Variants in NAA15 observed in about 807,000 individuals in gnomAD.
NAA15 encodes N-terminal acetyltransferase.
NAA15 carries 34 observed loss-of-function variants against 114.0 expected under a neutral mutation model. The observed-to-expected ratio is 0.30, with a 90% CI of 0.23 to 0.40. NAA15 has a LOEUF of 0.40. Among genes scored for constraint, NAA15 ranks in the 10% least tolerant of loss-of-function variants. The probability of loss-of-function intolerance (pLI) is 1.00; values close to 1 mark genes in which losing one functional copy is unlikely to be tolerated. For synonymous variants in NAA15, 340 were observed against 338.0 expected, an observed-to-expected ratio of 1.01 and a Z score of -0.06; for missense variants, 658 against 1,004.5, an observed-to-expected ratio of 0.66 and a Z score of 4.66.
intron 13 of NAA15, 68 bp from the exon 14 acceptor site, chr4:139,361,656 C>CT: frequency 1.0e-6 from 1 of 968,556 alleles, no homozygotes; most frequent in Non-Finnish European, 1.5e-6. Context: ...TATTCCAATG[C>CT]TTTGATTTTA....
intron 18 of NAA15, 120 bp downstream of exon 18, chr4:139,385,098 G>C (rs1748858778): frequency 1.2e-6 from 1 of 850,130 alleles, no homozygotes. Context: ...GTTACATTGT[G>C]ATCGTATGAA....
chr4:139,375,640 G>A (rs1163693487), intron 15 of NAA15, among the ~76,000 whole-genome samples: 1 of 152,064 alleles, frequency 6.6e-6, no homozygotes, highest in African/African-American at 2.4e-5. Flanking sequence ...CAGATGTTTA[G>A]TGCCCTTCTG....
chr4:139,386,666 T>TAA (rs537996232), intron 19 of NAA15: 2 of 147,942 alleles, frequency 1.4e-5, no homozygotes, highest in East Asian at 2.0e-4. Flanking sequence ...CCCCATCTCT[T>TAA]AAAAAAAAAA....
rs74986903 is a variant in NAA15 at position 139,383,092 on chromosome 4, T to C, written c.2156-1740T>C. On this transcript the variant is annotated intron_variant, in intron 17 of 19. Transcript: ENST00000296543. ...ATTTGTCGCAGTACAAATACCTGAT[T>C]AAAGTGAAAATTTGAAAGTCATCAC... Among the ~76,000 whole-genome samples the C allele has an allele frequency of 8.5e-3, 1,301 of 152,292 alleles. 20 individuals carry two copies. Among genetic ancestry groups the C allele is most frequent in the African/African-American group, 0.03 (1,245 of 41,552 alleles).
At chr4:139,355,086 C>T (rs1013850079) in intron 10 of NAA15, among the ~76,000 whole-genome samples, 1 of 151,926 alleles carries the variant, frequency 6.6e-6, no homozygotes, top group Non-Finnish European at 1.5e-5. Context: ...ATTGGCCAGG[C>T]CAGGCTGGTC....
At chr4:139,375,060 A>C (rs143971148) in intron 15 of NAA15, among the ~76,000 whole-genome samples, 20 of 152,304 alleles carry the variant, frequency 1.3e-4, no homozygotes, top group South Asian at 2.1e-4. Flanking sequence ...TAGAGGCATG[A>C]AAGGCATGAT....
chr4:139,361,029 T>C (rs373406771), intron 13 of NAA15, among the ~76,000 whole-genome samples: 5 of 152,166 alleles, frequency 3.3e-5, no homozygotes, highest in South Asian at 4.1e-4. Flanking sequence ...TCACAATATT[T>C]CTTCTGTAGC....
intron 16 of NAA15, among the ~76,000 whole-genome samples, chr4:139,378,119 C>T (rs796921556): frequency 3.3e-5 from 5 of 152,170 alleles, no homozygotes; most frequent in African/African-American, 9.6e-5. Flanking sequence ...AAAATGGTAC[C>T]AAATTAGGAA....
At chr4:139,351,125 G>A (rs1216523686) in intron 7 of NAA15, 66 bp from the exon 8 acceptor site, 12 of 796,906 alleles carry the variant, frequency 1.5e-5, no homozygotes, top group South Asian at 1.0e-4. Flanking sequence ...TGAGAAGTTC[G>A]TAATTTTCCA....
intron 1 of NAA15, chr4:139,302,452 C>T (rs1427097329): frequency 6.6e-6 from 1 of 152,380 alleles, no homozygotes; most frequent in East Asian, 1.9e-4. Context: ...GTCTTCAGCT[C>T]CTCTGCCTCC....
chr4:139,349,650 A>G (rs1747716130), intron 7 of NAA15, 69 bp downstream of exon 7: 1 of 1,429,778 alleles, frequency 7.0e-7, no homozygotes, highest in East Asian at 2.6e-5. Flanking sequence ...TTACTCATTG[A>G]AAAGCACAAC....
At chr4:139,354,621 A>G (rs1205357923) in intron 10 of NAA15, among the ~76,000 whole-genome samples, 1 of 152,224 alleles carries the variant, frequency 6.6e-6, no homozygotes, top group Non-Finnish European at 1.5e-5. Flanking sequence ...ATTGAAAAGA[A>G]TGTTATGTAA....
chr4:139,329,344 A>G (rs1295492478), intron 1 of NAA15, among the ~76,000 whole-genome samples: 6 of 151,992 alleles, frequency 3.9e-5, no homozygotes, highest in African/African-American at 1.5e-4. Context: ...TCTCCTGGTT[A>G]TGGATCATGT....
At position 139,344,819 on chromosome 4, in the gene NAA15, GAC is replaced by G. The variant is rs565121889; in HGVS notation, c.691+484_691+485del. ...TATGGTTAATCTGAATGTCTTCGAT[GAC>G]ACAGAAAGAATATGAGTTCTGGAAG... On this transcript the variant is annotated intron_variant, in intron 6 of 19. Transcript: ENST00000296543. 1.6e-3 allele frequency among the ~76,000 whole-genome samples: 245 copies of G among 152,258 alleles called. 1 individual carries two copies. The highest frequency in any genetic ancestry group is 3.0e-3 in the Non-Finnish European group (204 of 68,026).
At chr4:139,320,806 C>T (rs747338430) in intron 1 of NAA15, among the ~76,000 whole-genome samples, 1 of 152,152 alleles carries the variant, frequency 6.6e-6, no homozygotes, top group Non-Finnish European at 1.5e-5. Context: ...CAGGTGTGAG[C>T]CTCTGCGTCT....
Position 139,371,915 on chromosome 4 carries a change from TTTG to T in NAA15, c.1947+1514_1947+1516del, listed in dbSNP as rs1304692421. 2.0e-5 allele frequency among the ~76,000 whole-genome samples: 3 copies of T among 152,006 alleles called. No homozygotes were observed. In the East Asian group the frequency reaches 5.8e-4, roughly 29 times the overall value. On this transcript the variant is annotated intron_variant, in intron 15 of 19. Coordinates refer to ENST00000296543, the MANE Select transcript of NAA15 (RefSeq NM_057175.5). ...TCTTCATGTTTTCATGTATTTCTCT[TTTG>T]TTTGTTTGTTTGTTTGAGGTGGAGT...
At chr4:139,321,829 T>C (rs760734904) in intron 1 of NAA15, among the ~76,000 whole-genome samples, 1 of 152,040 alleles carries the variant, frequency 6.6e-6, no homozygotes, top group African/African-American at 2.4e-5. Flanking sequence ...TTAAATCCTT[T>C]AGTGTTACAT....
chr4:139,366,964 A>G (rs1243504798), intron 14 of NAA15, among the ~76,000 whole-genome samples: 1 of 152,202 alleles, frequency 6.6e-6, no homozygotes, highest in East Asian at 1.9e-4. Flanking sequence ...TCAGAAGTCT[A>G]TCCCATTGTA....
chr4:139,305,539 GTTTT>G (rs11454836), intron 1 of NAA15, among the ~76,000 whole-genome samples: 1 of 135,498 alleles, frequency 7.4e-6, no homozygotes, highest in African/African-American at 2.7e-5. Flanking sequence ...GTAACTTGTT[GTTTT>G]TTTTTTTTTT....
Sources: allele counts gnomAD v4.1 joint callset (sites outside exome capture counted in the v4.1 genomes callset), GRCh38; gene constraint gnomAD v4.1.1; transcripts MANE v1.5; gene names NCBI Gene and HGNC (gene_info 2026-07-23, HGNC 2026-07-21).